Variants in ASIC2 observed in about 807,000 individuals in gnomAD.
ASIC2 encodes the protein acid-sensing ion channel 2.
A neutral mutation model predicts 57.3 loss-of-function variants in ASIC2; 25 were observed. The ratio of observed to expected loss-of-function variants is 0.44; its 90% CI spans 0.32 to 0.61. The LOEUF (loss-of-function observed/expected upper bound fraction) is 0.61. Ranked by LOEUF, ASIC2 falls within the 20% of genes least tolerant of loss-of-function variation. The pLI is 0.06. For missense variants in ASIC2, 641 were observed against 738.1 expected (o/e 0.87, Z 1.52); for synonymous variants, 319 against 307.5 (o/e 1.04, Z -0.39).
At chr17:33,802,856 T>C (rs1240510897) in intron 1 of ASIC2, among the ~76,000 whole-genome samples, 1 of 152,110 alleles carries the variant, frequency 6.6e-6, no homozygotes. Flanking sequence ...GGTTGAGGAG[T>C]GAAGGGCAAT....
At position 33,286,434 on chromosome 17, in the gene ASIC2, C is replaced by T. The variant is rs144817081; in HGVS notation, c.708+4974G>A. Among the ~76,000 whole-genome samples the T allele has an allele frequency of 1.2e-4, 18 of 152,272 alleles. No individual in the cohort carries two copies. In the East Asian group the frequency reaches 3.5e-3, roughly 29 times the overall value. On this transcript the variant is annotated intron_variant, in intron 1 of 9. Transcript: ENST00000225823. ...AGTGAAAGAAGTCAGAGTTTTGCTG[C>T]AAAGTTCAAAAACTTTAGTTTGGTC...
At chr17:33,331,234 C>T (rs1907300569) in intron 1 of ASIC2, among the ~76,000 whole-genome samples, 1 of 152,160 alleles carries the variant, frequency 6.6e-6, no homozygotes, top group Middle Eastern at 3.2e-3. Flanking sequence ...CAACCCAGTT[C>T]ATGGAAAAAT....
upstream of ASIC2, among the ~76,000 whole-genome samples, chr17:33,296,321 C>T (rs1905719700): frequency 6.6e-6 from 1 of 152,028 alleles, no homozygotes; most frequent in Admixed American, 6.5e-5. Context: ...CAGGCTTTGC[C>T]CAGGTAGTCA....
intron 1 of ASIC2, among the ~76,000 whole-genome samples, chr17:34,099,196 GAAAGAAAGAAAGAAAGGAAAGA>G (rs1910699099): frequency 1.1e-5 from 1 of 89,278 alleles, no homozygotes; most frequent in Admixed American, 1.3e-4. Context: ...AAGAAAGAAA[GAAAGAAAGAAAGAAAGGAAAGA>G]AAAGAAAGAA....
At chr17:33,016,065 G>A in intron 8 of ASIC2, 26 bp from the exon 9 acceptor site, 1 of 1,612,544 alleles carries the variant, frequency 6.2e-7, no homozygotes, top group Non-Finnish European at 8.5e-7. Context: ...GAAGGGGTTG[G>A]TCAGGCCGGG....
At chr17:33,395,145 C>T (rs1004093975) in intron 1 of ASIC2, among the ~76,000 whole-genome samples, 1 of 151,786 alleles carries the variant, frequency 6.6e-6, no homozygotes, top group Admixed American at 6.6e-5. Flanking sequence ...CACACATTCC[C>T]CCCCACCCAC....
chr17:33,935,894 C>CTGAAAGTTA (rs1916048256), intron 1 of ASIC2: 1 of 152,202 alleles, frequency 6.6e-6, no homozygotes, highest in Non-Finnish European at 1.5e-5. Flanking sequence ...TCAGTATCAA[C>CTGAAAGTTA]TCAAAGTTAT....
chr17:33,206,832 G>A lies in ASIC2; in HGVS notation c.708+84576C>T, dbSNP rs368910496. Among the ~76,000 whole-genome samples the A allele has an allele frequency of 3.2e-4, 49 of 152,256 alleles. 3 individuals are homozygous for A. Among genetic ancestry groups the A allele is most frequent in the Admixed American group, 2.0e-3 (31 of 15,292 alleles). ...GAATTGCCAGAAGATCAGCAGGCTG[G>A]TTTGCCCCTAGGAAACATCAATATT... On this transcript the variant is annotated intron_variant, in intron 1 of 9. Transcript: ENST00000225823.
At position 33,321,564 on chromosome 17, in the gene ASIC2, T is replaced by C. The variant is rs568445232; in HGVS notation, c.556-209497A>G. Among the ~76,000 whole-genome samples the C allele has an allele frequency of 3.3e-5, 5 of 152,354 alleles. No homozygotes were observed. In the South Asian group the frequency reaches 1.0e-3, roughly 32 times the overall value. ...TTCCTATGTAGTACCTCTGGGCACA[T>C]AAAAGATTAAAGATTATATTTCTAG... On this transcript the variant is annotated intron_variant, in intron 1 of 9. Coordinates refer to the ASIC2 transcript ENST00000359872.
chr17:33,267,985 C>T (rs1909534489), intron 1 of ASIC2, among the ~76,000 whole-genome samples: 2 of 152,168 alleles, frequency 1.3e-5, no homozygotes, highest in Admixed American at 1.3e-4. Flanking sequence ...CGGTTCCTCA[C>T]CGTGCATGCG....
At chr17:33,259,989 T>A (rs1028532124) in intron 1 of ASIC2, among the ~76,000 whole-genome samples, 1 of 152,110 alleles carries the variant, frequency 6.6e-6, no homozygotes, top group Non-Finnish European at 1.5e-5. Flanking sequence ...CTGAGGGATA[T>A]TGGCTGAGTG....
intron 1 of ASIC2, among the ~76,000 whole-genome samples, chr17:33,478,637 G>A (rs887386376): frequency 1.3e-5 from 2 of 152,140 alleles, no homozygotes; most frequent in Admixed American, 6.5e-5. Context: ...TTCCATGGGA[G>A]CCGTTTTACT....
chr17:33,458,762 A>G (rs1912536090), intron 1 of ASIC2, among the ~76,000 whole-genome samples: 2 of 152,210 alleles, frequency 1.3e-5, no homozygotes, highest in Non-Finnish European at 2.9e-5. Flanking sequence ...AAGAGATTGA[A>G]TAATAATTTC....
At chr17:33,366,334 T>G (rs1325247037) in intron 1 of ASIC2, among the ~76,000 whole-genome samples, 4 of 152,242 alleles carry the variant, frequency 2.6e-5, no homozygotes, top group Non-Finnish European at 4.4e-5. Context: ...TGTCTTTCTC[T>G]CCGGTCTCAT....
chr17:34,020,450 T>C (rs1366359385), intron 1 of ASIC2, among the ~76,000 whole-genome samples: 3 of 152,170 alleles, frequency 2.0e-5, no homozygotes, highest in Admixed American at 1.3e-4. Context: ...GTAGTTTCCA[T>C]AGAACTCATC....
chr17:33,094,960 C>T (rs2092172438), intron 2 of ASIC2, among the ~76,000 whole-genome samples: 1 of 152,182 alleles, frequency 6.6e-6, no homozygotes, highest in African/African-American at 2.4e-5. Flanking sequence ...AAGTCTAGTT[C>T]AGTTCTGTGA....
At chr17:33,369,512 T>A (rs1373206664) in intron 1 of ASIC2, among the ~76,000 whole-genome samples, 1 of 152,174 alleles carries the variant, frequency 6.6e-6, no homozygotes, top group Non-Finnish European at 1.5e-5. Flanking sequence ...AGGACTGCCA[T>A]GAGGATAACA....
intron 1 of ASIC2, among the ~76,000 whole-genome samples, chr17:33,560,438 G>A (rs921147971): frequency 6.6e-6 from 1 of 152,184 alleles, no homozygotes; most frequent in African/African-American, 2.4e-5. Context: ...AAATCTGACA[G>A]GAAATTTTAG....
chr17:33,803,490 G>C (rs16968917), intron 1 of ASIC2, among the ~76,000 whole-genome samples: 1 of 151,882 alleles, frequency 6.6e-6, no homozygotes, highest in Non-Finnish European at 1.5e-5. Flanking sequence ...GTTCACTATG[G>C]TTGATGCGGT....
Sources: allele counts gnomAD v4.1 joint callset (sites outside exome capture counted in the v4.1 genomes callset), GRCh38; gene constraint gnomAD v4.1.1; transcripts MANE v1.5; gene names NCBI Gene and HGNC (gene_info 2026-07-23, HGNC 2026-07-21).